TMEM117: variants seen among roughly 807,000 people sequenced by gnomAD.
The protein encoded by TMEM117 is transmembrane protein 117.
In TMEM117, 27 loss-of-function variants were observed where a neutral mutation model predicts 52.4. That is an observed-to-expected ratio of 0.51 (90% confidence interval 0.38 to 0.71). TMEM117 has a LOEUF of 0.71. TMEM117 is among the 30% of genes least tolerant of loss of function. The pLI is 0.00. For synonymous variants in TMEM117, 215 were observed against 206.3 expected, an observed-to-expected ratio of 1.04 and a Z score of -0.36; for missense variants, 556 against 630.5, an observed-to-expected ratio of 0.88 and a Z score of 1.26.
chr12:43,972,495 TGCCGCTGGTG>T (rs1380674093), intron 3 of TMEM117, among the ~76,000 whole-genome samples: 1 of 152,200 alleles, frequency 6.6e-6, no homozygotes, highest in Non-Finnish European at 1.5e-5. Flanking sequence ...GCAAGTGGGT[TGCCGCTGGTG>T]GCTGGGGTGG....
At chr12:43,972,178 A>G (rs1013898742) in intron 3 of TMEM117, among the ~76,000 whole-genome samples, 1 of 152,352 alleles carries the variant, frequency 6.6e-6, no homozygotes, top group East Asian at 1.9e-4. Context: ...GGAAGGAGAT[A>G]CTATGGGAGA....
At chr12:43,877,476 A>G (rs1235911573) in intron 2 of TMEM117, among the ~76,000 whole-genome samples, 1 of 151,934 alleles carries the variant, frequency 6.6e-6, no homozygotes, top group Non-Finnish European at 1.5e-5. Context: ...TCTACTAAAA[A>G]TACAAAAAAT....
intron 2 of TMEM117, among the ~76,000 whole-genome samples, chr12:43,906,535 C>T (rs185461792): frequency 5.9e-5 from 9 of 151,946 alleles, no homozygotes; most frequent in South Asian, 4.2e-4. Flanking sequence ...CAGCTCCCAG[C>T]GTGAGCGATG....
the TMEM117 span, among the ~76,000 whole-genome samples, chr12:43,821,588 C>T: frequency 6.6e-6 from 1 of 152,266 alleles, no homozygotes; most frequent in East Asian, 1.9e-4. Context: ...GCCAAGAAGT[C>T]TTAAGATTTT....
chr12:44,051,057 G>A (rs542393731), intron 3 of TMEM117, among the ~76,000 whole-genome samples: 1 of 152,282 alleles, frequency 6.6e-6, no homozygotes, highest in South Asian at 2.1e-4. Flanking sequence ...ATCTCTTTAT[G>A]TGTTACATAG....
At chr12:44,332,746 C>G (rs540720696) in intron 6 of TMEM117, among the ~76,000 whole-genome samples, 3 of 150,708 alleles carry the variant, frequency 2.0e-5, no homozygotes, top group African/African-American at 7.4e-5. Context: ...CACACACACA[C>G]ACAGACACAC....
intron 4 of TMEM117, among the ~76,000 whole-genome samples, chr12:44,180,848 A>T (rs1949187050): frequency 6.6e-6 from 1 of 152,058 alleles, no homozygotes; most frequent in Non-Finnish European, 1.5e-5. Flanking sequence ...CATGATTTAT[A>T]GTCCTTTGGG....
chr12:44,386,597 C>T (rs753365715), intron 7 of TMEM117, among the ~76,000 whole-genome samples: 6 of 152,090 alleles, frequency 3.9e-5, no homozygotes, highest in African/African-American at 7.2e-5. Context: ...GCAAGGCTTT[C>T]GTGATGATAA....
intron 4 of TMEM117, among the ~76,000 whole-genome samples, chr12:44,187,424 G>A (rs530237719): frequency 6.6e-6 from 1 of 152,176 alleles, no homozygotes; most frequent in Non-Finnish European, 1.5e-5. Flanking sequence ...TGTGCTGTTA[G>A]CCTGATATTC....
intron 5 of TMEM117, among the ~76,000 whole-genome samples, chr12:44,276,575 G>A (rs1379828682): frequency 6.6e-6 from 1 of 151,932 alleles, no homozygotes; most frequent in Non-Finnish European, 1.5e-5. Flanking sequence ...TGTATACCAT[G>A]GTACCTATAG....
chr12:44,263,153 G>A (rs1017608150), intron 5 of TMEM117, among the ~76,000 whole-genome samples: 3 of 151,932 alleles, frequency 2.0e-5, no homozygotes, highest in Admixed American at 1.3e-4. Flanking sequence ...TAATAATATC[G>A]TGAAATAAAT....
chr12:43,924,603 C>T (rs1347394967), intron 2 of TMEM117, among the ~76,000 whole-genome samples: 1 of 152,102 alleles, frequency 6.6e-6, no homozygotes, highest in Non-Finnish European at 1.5e-5. Flanking sequence ...ATGTAAAATA[C>T]ATATTTACCC....
chr12:44,143,276 G>T (rs148078879), intron 3 of TMEM117, among the ~76,000 whole-genome samples: 1 of 152,144 alleles, frequency 6.6e-6, no homozygotes. Flanking sequence ...GTCATTAGTC[G>T]TACAGCTCAA....
chr12:44,135,866 G>T (rs1413472192), intron 3 of TMEM117, among the ~76,000 whole-genome samples: 1 of 152,064 alleles, frequency 6.6e-6, no homozygotes, highest in Admixed American at 6.6e-5. Flanking sequence ...ATGAACACTT[G>T]CCTCCACTGA....
chr12:44,001,683 G>A (rs1171379055), intron 3 of TMEM117, among the ~76,000 whole-genome samples: 2 of 151,978 alleles, frequency 1.3e-5, no homozygotes, highest in African/African-American at 2.4e-5. Flanking sequence ...GTATATGTGA[G>A]CTGGAACAGA....
In TMEM117 at chr12:44,214,269, C is replaced by T. The variant is rs576081993; in HGVS notation, c.608+2882C>T. ...CTAGTGATTCTCCTGCCTCAGCCTC[C>T]AGAGTAGCTGGGATTACAGGCACGT... On this transcript the variant is annotated intron_variant, in intron 5 of 7. Transcript: ENST00000266534. Among the ~76,000 whole-genome samples, 4 of 151,702 alleles carry T rather than the reference C, an allele frequency of 2.6e-5. No individual in the cohort carries two copies. The South Asian group carries it at 6.3e-4, about 24-fold the overall frequency.
intron 5 of TMEM117, among the ~76,000 whole-genome samples, chr12:44,277,761 CTTT>C (rs35687259): frequency 5.2e-5 from 5 of 95,508 alleles, no homozygotes; most frequent in African/African-American, 1.3e-4. Flanking sequence ...AAACTCTGAG[CTTT>C]TTTTTTTTTT....
chr12:44,055,798 C>A (rs1947045673), intron 3 of TMEM117, among the ~76,000 whole-genome samples: 1 of 152,100 alleles, frequency 6.6e-6, no homozygotes, highest in Non-Finnish European at 1.5e-5. Flanking sequence ...CCCTATACGT[C>A]TTGCACCTAC....
chr12:43,919,597 C>A (rs1308185478), intron 2 of TMEM117, among the ~76,000 whole-genome samples: 1 of 152,142 alleles, frequency 6.6e-6, no homozygotes, highest in Non-Finnish European at 1.5e-5. Flanking sequence ...GTTGAAACTG[C>A]AGTGAACATG....
Sources: allele counts gnomAD v4.1 joint callset (sites outside exome capture counted in the v4.1 genomes callset), GRCh38; gene constraint gnomAD v4.1.1; transcripts MANE v1.5; gene names NCBI Gene and HGNC (gene_info 2026-07-23, HGNC 2026-07-21).